The following ETNK1 variants were observed in gnomAD, a reference collection of about 807,000 sequenced individuals.
ETNK1 encodes putative protein product of Nbla10396.
Under a neutral mutation model 45.1 loss-of-function variants are expected in ETNK1, and 8 were observed. That is an observed-to-expected ratio of 0.18 (90% confidence interval 0.10 to 0.32). ETNK1 has a LOEUF of 0.32. Ranked by LOEUF, ETNK1 falls within the 10% of genes least tolerant of loss-of-function variation. The pLI is 1.00. For synonymous variants in ETNK1, 152 were observed against 151.9 expected (o/e 1.00, Z -0.01); for missense variants, 302 against 430.6 (o/e 0.70, Z 2.64).
At chr12:22,684,397 A>G in intron 6 of ETNK1, 86 bp from the exon 7 acceptor site, 1 of 903,450 alleles carries the variant, frequency 1.1e-6, no homozygotes, top group Non-Finnish European at 1.7e-6. Context: ...CATGGAGTTG[A>G]TTTAGAGGAT....
At chr12:22,638,068 G>A (rs887020482) in intron 1 of ETNK1, among the ~76,000 whole-genome samples, 3 of 152,064 alleles carry the variant, frequency 2.0e-5, no homozygotes, top group Non-Finnish European at 4.4e-5. Flanking sequence ...AAAGCATATG[G>A]TAGGTTTGGA....
chr12:22,640,394 G>C (rs1051804737), intron 1 of ETNK1, among the ~76,000 whole-genome samples: 1 of 147,468 alleles, frequency 6.8e-6, no homozygotes, highest in Non-Finnish European at 1.5e-5. Flanking sequence ...TAAATTGAAA[G>C]CCTTTTTTTT....
At chr12:22,658,937 C>T (rs1953971834) in intron 2 of ETNK1, 77 bp from the exon 3 acceptor site, 1 of 1,463,428 alleles carries the variant, frequency 6.8e-7, no homozygotes, top group African/African-American at 1.4e-5. Context: ...ACTAAAGTTT[C>T]ATCAAGAATC....
chr12:22,676,856 GT>G (rs200034330), intron 6 of ETNK1, among the ~76,000 whole-genome samples: 36,063 of 148,266 alleles, frequency 0.24, 4,980 homozygotes, highest in Non-Finnish European at 0.33. Context: ...GTTTTGATGG[GT>G]TTTTTTTTTC....
At position 22,685,275 on chromosome 12, in the gene ETNK1, G is replaced by A. The variant is rs1954250929; in HGVS notation, c.*321G>A. 1.1e-5 allele frequency: 2 copies of A among 188,926 alleles called. No homozygotes were observed. The highest frequency in any genetic ancestry group is 3.5e-4 in the South Asian group (2 of 5,688). 11.7% of individuals were successfully genotyped at this position (188,926 alleles called of 1,614,324 possible). ...ATAAACTTAGCACGATTCTGTGACT[G>A]TTTTTCTCTGTTTCACGTTCGTTGA... On this transcript the variant is annotated 3_prime_UTR_variant, in exon 8 of 8. Transcript: ENST00000266517.
chr12:22,642,981 G>A (rs1953757692), intron 1 of ETNK1, among the ~76,000 whole-genome samples: 1 of 151,946 alleles, frequency 6.6e-6, no homozygotes, highest in Non-Finnish European at 1.5e-5. Flanking sequence ...AGGATTTGAA[G>A]TACTTGACTT....
At position 22,683,723 on chromosome 12, in the gene ETNK1, C is replaced by T. The variant is rs561932865; in HGVS notation, c.946-760C>T. On this transcript the variant is annotated intron_variant, in intron 6 of 7. Coordinates refer to ENST00000266517, the MANE Select transcript of ETNK1 (RefSeq NM_018638.5). ...GCTGTTGAATACTTTTTTGTTAGAG[C>T]CCCTTTGTTACTGTTGCTGTAATGA... Among the ~76,000 whole-genome samples the T allele has an allele frequency of 3.9e-5, 6 of 152,026 alleles. No individual in the cohort carries two copies. In the East Asian group the frequency reaches 1.2e-3, roughly 29 times the overall value.
chr12:22,667,250 A>G lies in ETNK1; in HGVS notation c.701-4022A>G, dbSNP rs79483550. Among the ~76,000 whole-genome samples the G allele has an allele frequency of 6.6e-5, 10 of 152,240 alleles. No individual in the cohort carries two copies. In the East Asian group the frequency reaches 1.9e-3, roughly 29 times the overall value. ...TTGTACTTGAATAAAAATGTCAGAA[A>G]CACCACACTTTTTTCTTTAGTTTTT... On this transcript the variant is annotated intron_variant, in intron 4 of 7. Transcript: ENST00000266517.
rs1228725794 is a variant in ETNK1, at chr12:22,685,132, T to C, written c.*178T>C. ...AAATAGACTGAATGATGTCAAGAAA[T>C]ATACCTACTGCTATCCGTATGTGGT... On this transcript the variant is annotated 3_prime_UTR_variant, in exon 8 of 8. Coordinates refer to ENST00000266517, the MANE Select transcript of ETNK1 (RefSeq NM_018638.5). 3.1e-5 allele frequency: 16 copies of C among 517,638 alleles called. No homozygotes were observed. In the Admixed American group the frequency reaches 4.8e-4, roughly 16 times the overall value. The allele number at this position is 517,638 out of a possible 1,614,324, so 32.1% of individuals were successfully genotyped here.
At position 22,688,412 on chromosome 12, in the gene ETNK1, T is replaced by G. The variant is rs538801369; in HGVS notation, c.*3458T>G. 7.2e-4 allele frequency: 109 copies of G among 151,858 alleles called. No individual in the cohort carries two copies. Among genetic ancestry groups the G allele is most frequent in the African/African-American group, 2.1e-3 (87 of 41,522 alleles). 9.4% of individuals were successfully genotyped at this position (151,858 alleles called of 1,614,324 possible). On this transcript the variant is annotated 3_prime_UTR_variant, in exon 8 of 8. Transcript: ENST00000266517. The stretch of plus-strand genomic sequence containing the variant: ...AGCTTCCAGATTTAAAGAAAAAAAG[T>G]TTCCCCCACTCTCAATTAAAAGTTA...
chr12:22,630,068 T>C (rs146209563), intron 1 of ETNK1, among the ~76,000 whole-genome samples: 3 of 152,348 alleles, frequency 2.0e-5, no homozygotes, highest in African/African-American at 7.2e-5. Flanking sequence ...CTACACAAAC[T>C]GCGTCACATC....
At chr12:22,648,582 A>G (rs1198162351) in intron 2 of ETNK1, among the ~76,000 whole-genome samples, 1 of 151,876 alleles carries the variant, frequency 6.6e-6, no homozygotes, top group Non-Finnish European at 1.5e-5. Flanking sequence ...ATAATGTTTC[A>G]TTGGATATGC....
chr12:22,672,943 T>C (rs1954123975), intron 5 of ETNK1, among the ~76,000 whole-genome samples: 1 of 152,024 alleles, frequency 6.6e-6, no homozygotes, highest in Non-Finnish European at 1.5e-5. Context: ...AATCTCAGAG[T>C]TGGAAAATGT....
At chr12:22,634,976 G>A (rs1276855524) in intron 1 of ETNK1, among the ~76,000 whole-genome samples, 1 of 152,090 alleles carries the variant, frequency 6.6e-6, no homozygotes, top group African/African-American at 2.4e-5. Flanking sequence ...TCTTGAGCTG[G>A]AAGCACTAAT....
At position 22,633,631 on chromosome 12, in the gene ETNK1, A is replaced by G. The variant is rs143960226; in HGVS notation, c.156+8045A>G. Among the ~76,000 whole-genome samples, 1,493 of 152,324 alleles carry G rather than the reference A, an allele frequency of 9.8e-3. 13 individuals carry two copies. The highest frequency in any genetic ancestry group is 0.016 in the Non-Finnish European group (1,090 of 68,014). On this transcript the variant is annotated intron_variant, in intron 1 of 7. Transcript: ENST00000266517. ...TATATTTTGTGGAATCAGTAGATAAATTTGGGGAGAAGTGAATTCTTTTAA... is the reference window on the plus strand; with the variant it reads ...TATATTTTGTGGAATCAGTAGATAAGTTTGGGGAGAAGTGAATTCTTTTAA...
chr12:22,668,431 T>C (rs1159587190), intron 4 of ETNK1, among the ~76,000 whole-genome samples: 2 of 152,260 alleles, frequency 1.3e-5, no homozygotes, highest in Non-Finnish European at 2.9e-5. Flanking sequence ...AGTTGGCTTT[T>C]TAAATTTTAC....
intron 6 of ETNK1, among the ~76,000 whole-genome samples, chr12:22,679,287 A>G (rs930540508): frequency 6.6e-6 from 1 of 152,208 alleles, no homozygotes; most frequent in Non-Finnish European, 1.5e-5. Flanking sequence ...CAAGTGTCCA[A>G]ATGCTGAAGA....
intron 3 of ETNK1, among the ~76,000 whole-genome samples, chr12:22,660,697 A>C (rs901386184): frequency 6.6e-6 from 1 of 151,784 alleles, no homozygotes; most frequent in African/African-American, 2.4e-5. Context: ...TTAAACCTCT[A>C]TTTATTAAAT....
At chr12:22,637,562 G>A (rs1333260819) in intron 1 of ETNK1, among the ~76,000 whole-genome samples, 1 of 152,124 alleles carries the variant, frequency 6.6e-6, no homozygotes, top group East Asian at 1.9e-4. Flanking sequence ...TATGTGTTGG[G>A]GATATAGCAG....
Sources: allele counts gnomAD v4.1 joint callset (sites outside exome capture counted in the v4.1 genomes callset), GRCh38; gene constraint gnomAD v4.1.1; transcripts MANE v1.5; gene names NCBI Gene and HGNC (gene_info 2026-07-23, HGNC 2026-07-21).